MACROD2: variants seen among roughly 807,000 people sequenced by gnomAD.
The protein encoded by MACROD2 is ADP-ribose glycohydrolase MACROD2.
A neutral mutation model predicts 70.4 loss-of-function variants in MACROD2; 36 were observed. That is an observed-to-expected ratio of 0.51 (90% confidence interval 0.39 to 0.68). The LOEUF (loss-of-function observed/expected upper bound fraction) is 0.68. MACROD2 is among the 30% of genes least tolerant of loss of function. The probability of loss-of-function intolerance (pLI) is 0.00; values close to 1 mark genes in which losing one functional copy is unlikely to be tolerated. For synonymous variants in MACROD2, 172 were observed against 178.8 expected, an observed-to-expected ratio of 0.96 and a Z score of 0.30; for missense variants, 496 against 538.4, an observed-to-expected ratio of 0.92 and a Z score of 0.78.
At chr20:14,052,076 C>G (rs570128099) in intron 2 of MACROD2, 1 of 386,752 alleles carries the variant, frequency 2.6e-6, no homozygotes, top group South Asian at 1.9e-5. Context: ...CAAAATAGTT[C>G]TCTTTCTTGG....
intron 8 of MACROD2, among the ~76,000 whole-genome samples, chr20:15,792,708 T>G (rs543815794): frequency 6.6e-6 from 1 of 152,164 alleles, no homozygotes; most frequent in East Asian, 1.9e-4. Flanking sequence ...GTTAATACAT[T>G]GTTGCTTGAG....
intron 5 of MACROD2, among the ~76,000 whole-genome samples, chr20:14,851,315 T>G (rs891951432): frequency 3.9e-5 from 6 of 152,096 alleles, no homozygotes; most frequent in Non-Finnish European, 8.8e-5. Flanking sequence ...TCCAGGGAGA[T>G]AAGATCAGTT....
At chr20:15,228,364 G>A (rs1022583780) in intron 5 of MACROD2, among the ~76,000 whole-genome samples, 2 of 151,948 alleles carry the variant, frequency 1.3e-5, no homozygotes, top group Non-Finnish European at 2.9e-5. Flanking sequence ...GCTGACAAGG[G>A]TTTAAATACT....
chr20:15,404,122 T>C (rs1273164207), intron 6 of MACROD2, among the ~76,000 whole-genome samples: 3 of 152,204 alleles, frequency 2.0e-5, no homozygotes, highest in African/African-American at 2.4e-5. Flanking sequence ...TGAGAGTACA[T>C]AGATGGGCTG....
At chr20:14,566,268 G>A (rs1979794230) in intron 4 of MACROD2, among the ~76,000 whole-genome samples, 1 of 151,890 alleles carries the variant, frequency 6.6e-6, no homozygotes, top group Admixed American at 6.6e-5. Context: ...GTGAAAATAT[G>A]CTTCTGCATT....
intron 8 of MACROD2, among the ~76,000 whole-genome samples, chr20:15,855,837 C>T (rs1266225989): frequency 2.0e-5 from 3 of 151,864 alleles, no homozygotes; most frequent in Admixed American, 6.6e-5. Context: ...GAGATTTGCC[C>T]GTATTATTTT....
chr20:14,190,561 A>C (rs1336451393), intron 3 of MACROD2, among the ~76,000 whole-genome samples: 1 of 150,360 alleles, frequency 6.7e-6, no homozygotes, highest in East Asian at 1.9e-4. Flanking sequence ...AGTTGCTGAA[A>C]AATATGGGTT....
At chr20:14,197,021 AT>A (rs2081438360) in intron 3 of MACROD2, among the ~76,000 whole-genome samples, 2 of 152,246 alleles carry the variant, frequency 1.3e-5, no homozygotes, top group African/African-American at 4.8e-5. Flanking sequence ...GCATATTAGT[AT>A]TATGGGAGAA....
chr20:15,677,182 A>C (rs766550152), intron 8 of MACROD2, among the ~76,000 whole-genome samples: 3 of 152,192 alleles, frequency 2.0e-5, no homozygotes, highest in Non-Finnish European at 4.4e-5. Flanking sequence ...TTTGGAGAAT[A>C]AGTTGTCTCT....
Position 14,800,429 on chromosome 20 carries a change from G to T in MACROD2, c.418+115470G>T, listed in dbSNP as rs965378231. On this transcript the variant is annotated intron_variant, in intron 5 of 17. Transcript: ENST00000684519. Reference sequence around the variant, plus strand: ...ATGGAATTATGGATTAAATTAGTTTGCCCAGATTTTATGGGTGAAAATCAT... The same window carrying T: ...ATGGAATTATGGATTAAATTAGTTTTCCCAGATTTTATGGGTGAAAATCAT... Among the ~76,000 whole-genome samples the T allele has an allele frequency of 5.9e-5, 9 of 152,116 alleles. No individual in the cohort carries two copies. In the East Asian group the frequency reaches 1.4e-3, roughly 23 times the overall value.
intron 7 of MACROD2, among the ~76,000 whole-genome samples, chr20:15,482,775 T>C (rs182520750): frequency 9.9e-4 from 151 of 152,244 alleles, no homozygotes; most frequent in African/African-American, 3.4e-3. Flanking sequence ...AGATGTGTAA[T>C]GGTATCTCTT....
intron 8 of MACROD2, among the ~76,000 whole-genome samples, chr20:15,597,883 A>G (rs1002928636): frequency 1.3e-5 from 2 of 152,222 alleles, no homozygotes; most frequent in African/African-American, 2.4e-5. Flanking sequence ...GTTTGAGACC[A>G]GCCTGGCCAA....
At chr20:15,941,811 T>C (rs1304746674) in intron 12 of MACROD2, among the ~76,000 whole-genome samples, 1 of 152,204 alleles carries the variant, frequency 6.6e-6, no homozygotes, top group Non-Finnish European at 1.5e-5. Context: ...ATCACTGATA[T>C]TATGGACAGG....
intron 3 of MACROD2, among the ~76,000 whole-genome samples, chr20:14,352,073 A>T (rs2083127995): frequency 6.6e-6 from 1 of 152,132 alleles, no homozygotes; most frequent in Admixed American, 6.6e-5. Flanking sequence ...CCAGGGATAA[A>T]CCCCACTTTG....
chr20:15,513,631 A>G (rs944861905), intron 8 of MACROD2, among the ~76,000 whole-genome samples: 5 of 152,192 alleles, frequency 3.3e-5, no homozygotes, highest in Non-Finnish European at 5.9e-5. Context: ...CAAACCCTAC[A>G]TCATACTGTT....
At chr20:14,000,621 T>C (rs912634196) in intron 1 of MACROD2, among the ~76,000 whole-genome samples, 1 of 152,220 alleles carries the variant, frequency 6.6e-6, no homozygotes, top group Non-Finnish European at 1.5e-5. Context: ...TGGTATGGTA[T>C]GGGAGACATG....
intron 8 of MACROD2, among the ~76,000 whole-genome samples, chr20:15,693,110 T>A (rs2050319396): frequency 2.0e-5 from 3 of 152,082 alleles, no homozygotes; most frequent in Admixed American, 2.0e-4. Flanking sequence ...GAAATGTGAG[T>A]CCATTAAAAC....
At chr20:15,769,215 T>G (rs967894969) in intron 8 of MACROD2, among the ~76,000 whole-genome samples, 1 of 152,240 alleles carries the variant, frequency 6.6e-6, no homozygotes, top group Non-Finnish European at 1.5e-5. Flanking sequence ...TGGTGCAATC[T>G]CAGCTCACTG....
intron 4 of MACROD2, among the ~76,000 whole-genome samples, chr20:14,625,571 A>G (rs983211366): frequency 6.6e-6 from 1 of 152,192 alleles, no homozygotes; most frequent in Non-Finnish European, 1.5e-5. Context: ...TGAAAAAGAC[A>G]GAGTCCATGA....
Sources: gnomAD v4.1 joint callset for allele counts (sites outside exome capture counted in the v4.1 genomes callset) on GRCh38, gnomAD v4.1.1 for gene constraint, MANE v1.5 for transcripts, NCBI Gene and HGNC (gene_info 2026-07-23, HGNC 2026-07-21) for gene names.